EPHB4: variants seen among roughly 807,000 people sequenced by gnomAD.
The protein encoded by EPHB4 is EPH receptor B4.
A neutral mutation model predicts 110.6 loss-of-function variants in EPHB4; 50 were observed. The observed-to-expected ratio is 0.45, with a 90% confidence interval of 0.36 to 0.57. EPHB4 has a LOEUF of 0.57. EPHB4 is among the 20% of genes least tolerant of loss of function. EPHB4 has a pLI of 0.00. For missense variants in EPHB4, 1,128 were observed against 1,382.1 expected, an observed-to-expected ratio of 0.82 and a Z score of 2.91; for synonymous variants, 592 against 578.4, an observed-to-expected ratio of 1.02 and a Z score of -0.34.
At position 100,802,800 on chromosome 7, in the gene EPHB4, G is replaced by A. The variant is rs919542503; in HGVS notation, c.*661C>T. 2 of 152,116 alleles carry A rather than the reference G, an allele frequency of 1.3e-5. No individual in the cohort carries two copies. Among genetic ancestry groups the A allele is most frequent in the Non-Finnish European group, 2.9e-5 (2 of 68,048 alleles). The allele number at this position is 152,116 out of a possible 1,614,324, so 9.4% of individuals were successfully genotyped here. A position where few individuals can be genotyped will look rare whatever the true frequency, so the allele number is the denominator to read the frequency against. ...CTGTTCTGGAAACAGACATGATGAT[G>A]GGCCCCTGTTTCAACTTGGGCAAAG... is the stretch of plus-strand genomic sequence containing the variant. On this transcript the variant is annotated 3_prime_UTR_variant, in exon 17 of 17. Coordinates refer to ENST00000358173, the MANE Select transcript of EPHB4 (RefSeq NM_004444.5).
intron 10 of EPHB4, 97 bp from the exon 11 acceptor site, chr7:100,813,305 G>T (rs75217740): frequency 8.1e-6 from 5 of 614,768 alleles, no homozygotes; most frequent in Non-Finnish European, 1.2e-5. Flanking sequence ...CTGTCTCCGT[G>T]GTTTTTTTTT....
chr7:100,810,076 C>T (rs527689906), intron 12 of EPHB4, among the ~76,000 whole-genome samples: 41 of 152,196 alleles, frequency 2.7e-4, no homozygotes, highest in African/African-American at 9.6e-4. Context: ...ATGGTGAAAC[C>T]CTGTCTCTAC....
chr7:100,813,006 G>A lies in EPHB4; in HGVS notation c.1871-12C>T, dbSNP rs1486000125. 6 of 1,612,676 alleles carry A rather than the reference G, an allele frequency of 3.7e-6. No homozygotes were observed. In the East Asian group the frequency reaches 1.1e-4, roughly 30 times the overall value. On this transcript the variant is annotated splice_polypyrimidine_tract_variant and intron_variant, in intron 11 of 16. Transcript: ENST00000358173. ...CTCGCCAAACTCACCTTCAAACAAG[G>A]ACGCAGAGGTCATCAGCTCTCCCGC...
chr7:100,815,511 C>G (rs1416837581), intron 8 of EPHB4, among the ~76,000 whole-genome samples: 1 of 152,136 alleles, frequency 6.6e-6, no homozygotes, highest in Non-Finnish European at 1.5e-5. Flanking sequence ...GGGGTGATGG[C>G]TAAGGGCTAT....
chr7:100,808,004 A>G (rs1176265859), intron 12 of EPHB4, among the ~76,000 whole-genome samples: 4 of 151,576 alleles, frequency 2.6e-5, no homozygotes, highest in Non-Finnish European at 5.9e-5. Context: ...AAGCCCCCCA[A>G]CTCCCTCAGG....
chr7:100,824,919 AG>A (rs1166472341), intron 1 of EPHB4: 1 of 152,054 alleles, frequency 6.6e-6, no homozygotes, highest in Non-Finnish European at 1.5e-5. Context: ...GGTTATGGGA[AG>A]GCAGAGGGGA....
rs1180064630 is a variant in EPHB4 at position 100,805,178 on chromosome 7, T to C, written c.2822A>G (p.Gln941Arg). 6.2e-7 allele frequency: 1 copy of C among 1,612,986 alleles called. No homozygotes were observed. Residue 941 changes from glutamine to arginine, a missense_variant, in exon 16 of 17, where the codon CAG becomes CGG. Gln to Arg is a conservative substitution (Grantham distance 43, BLOSUM62 1). Coordinates refer to ENST00000358173, the MANE Select transcript of EPHB4 (RefSeq NM_004444.5). Reference protein sequence around the residue: ...AGFGSFELVSQISAEDLLRIG... With the variant: ...AGFGSFELVSRISAEDLLRIG... The stretch of plus-strand genomic sequence containing the variant: ...TGCCACTGCTTACTCAGCAGAGATC[T>C]GGCTGACCAGCTCGAAGGAGCCAAA...
chr7:100,806,711 G>A, intron 13 of EPHB4, 142 bp from the exon 14 acceptor site: 1 of 1,041,706 alleles, frequency 9.6e-7, no homozygotes, highest in South Asian at 1.7e-5. Context: ...AACTCTGTTT[G>A]CCCAGGTTGG....
chr7:100,805,438 C>T, intron 15 of EPHB4, 63 bp downstream of exon 15: 2 of 1,548,698 alleles, frequency 1.3e-6, no homozygotes, highest in Non-Finnish European at 1.7e-6. Flanking sequence ...AATGAACGGA[C>T]ACTTCTGGGC....
intron 9 of EPHB4, 48 bp from the exon 10 acceptor site, chr7:100,813,764 T>C: frequency 6.2e-7 from 1 of 1,612,916 alleles, no homozygotes; most frequent in South Asian, 1.1e-5. Flanking sequence ...TCACACATCT[T>C]TATGAGGCAC....
At chr7:100,824,025 G>T (rs1318563783) in intron 2 of EPHB4, 94 bp from the exon 3 acceptor site, 14 of 1,511,584 alleles carry the variant, frequency 9.3e-6, no homozygotes, top group Admixed American at 2.1e-5. Flanking sequence ...GACTGAGAAA[G>T]GGGGGCTGCT....
chr7:100,807,554 G>A lies in EPHB4; in HGVS notation c.2145C>T (p.Ile715=), dbSNP rs757271698. The A allele has an allele frequency of 6.2e-7, 1 of 1,614,146 alleles. No individual in the cohort carries two copies. ...TGCCCCGCAGCATGCCCACGAGCTG[G>A]ATGACTGTGAACTGTCCGTCGTTTA... ...LRLNDGQFTV[I]QLVGMLRGIA... Residue 715 remains isoleucine (I), a synonymous_variant, in exon 13 of 17, where the codon ATC becomes ATT. Transcript: ENST00000358173.
At chr7:100,808,507 A>AT (rs1812861893) in intron 12 of EPHB4, among the ~76,000 whole-genome samples, 1 of 152,130 alleles carries the variant, frequency 6.6e-6, no homozygotes. Flanking sequence ...GATTACAGGC[A>AT]TGAGTCACCT....
In EPHB4 at chr7:100,803,474, G is replaced by A; in HGVS notation, c.2951C>T (p.Ala984Val). ...PGTPGGTGGP[A>V]PQY ...AGTTCCTGCAGGTCAGTACTGCGGG[G>A]CCGGTCCTCCTGTCCCACCCGGGGT... The change falls in exon 17 of 17, where the codon GCC becomes GTC. Residue 984 changes from alanine (A) to valine (V), a missense_variant. Ala to Val is a moderately conservative substitution (Grantham distance 64). This residue lies in a region of EPHB4 where 209 missense variants were observed against 240.5 expected (regional missense o/e 0.87). Coordinates refer to ENST00000358173, the MANE Select transcript of EPHB4 (RefSeq NM_004444.5). 2 of 1,575,232 alleles carry A rather than the reference G, an allele frequency of 1.3e-6. No homozygotes were observed. Among genetic ancestry groups the A allele is most frequent in the Non-Finnish European group, 8.6e-7 (1 of 1,157,612 alleles).
chr7:100,805,340 G>A lies in EPHB4; in HGVS notation c.2679-19C>T. The A allele has an allele frequency of 6.2e-7, 1 of 1,613,542 alleles. No individual in the cohort carries two copies. The highest frequency in any genetic ancestry group is 8.5e-7 in the Non-Finnish European group (1 of 1,179,726). On this transcript the variant is annotated intron_variant, in intron 15 of 16. Transcript: ENST00000358173. ...TGAGGCCCTAGGGGGCAAGGATGGG[G>A]AGGAATGCTGAGTACCAGGCCCAGG... is the stretch of plus-strand genomic sequence containing the variant.
rs1478816892 is a variant in EPHB4, at chr7:100,827,503, G to T, written c.-473C>A. 6.6e-6 allele frequency: 1 copy of T among 151,804 alleles called. No individual in the cohort carries two copies. The highest frequency in any genetic ancestry group is 2.4e-5 in the African/African-American group (1 of 41,264). The allele number at this position is 151,804 out of a possible 1,614,324, so 9.4% of individuals were successfully genotyped here. A position where few individuals can be genotyped will look rare whatever the true frequency, so the allele number is the denominator to read the frequency against. On this transcript the variant is annotated 5_prime_UTR_variant, in exon 1 of 17. Coordinates refer to ENST00000358173, the MANE Select transcript of EPHB4 (RefSeq NM_004444.5). ...GAGCCGGGCGGGCCGGGCCGGGCAG[G>T]GGCTGAGCTGCGCTGGAACTGGGCC...
intron 8 of EPHB4, among the ~76,000 whole-genome samples, chr7:100,816,900 G>A (rs1009164403): frequency 2.6e-5 from 4 of 151,982 alleles, no homozygotes; most frequent in Non-Finnish European, 5.9e-5. Flanking sequence ...TGGCCAACGC[G>A]GTGAAGCCCC....
At chr7:100,814,400 C>A (rs1813018591) in intron 8 of EPHB4, among the ~76,000 whole-genome samples, 2 of 152,196 alleles carry the variant, frequency 1.3e-5, no homozygotes, top group Admixed American at 1.3e-4. Context: ...GCCTCAGCCT[C>A]CTGAGTAGCT....
rs1453541276 is a variant in EPHB4, at chr7:100,806,598, G to GGGGACTCACTGA, written c.2335-41_2335-30dup. 6.9e-6 allele frequency: 11 copies of GGGGACTCACTGA among 1,601,160 alleles called. No individual in the cohort carries two copies. In the South Asian group the frequency reaches 9.1e-5, roughly 13 times the overall value. ...CAGAAAAAGGAGAAAAGGTGAGCTG[G>GGGGACTCACTGA]GGGACTCACTGAGGGACTCACCAGA... On this transcript the variant is annotated intron_variant, in intron 13 of 16. Coordinates refer to ENST00000358173, the MANE Select transcript of EPHB4 (RefSeq NM_004444.5).
Sources: gnomAD v4.1 joint callset for allele counts (sites outside exome capture counted in the v4.1 genomes callset) on GRCh38, gnomAD v4.1.1 for gene constraint, gnomAD v4.1.1 regional missense constraint, MANE v1.5 for transcripts, NCBI Gene and HGNC (gene_info 2026-07-23, HGNC 2026-07-21) for gene names.